Variants in SLCO5A1 observed in about 807,000 individuals in gnomAD.
SLCO5A1 encodes the protein solute carrier organic anion transporter family member 5A1, also known as organic anion transporter polypeptide-related protein 4.
A neutral mutation model predicts 65.1 loss-of-function variants in SLCO5A1; 39 were observed. That is an observed-to-expected ratio of 0.60 (90% CI 0.46 to 0.78). The LOEUF is 0.78. SLCO5A1 is among the 30% of genes least tolerant of loss of function. The pLI is 0.00. For missense variants in SLCO5A1, 1,029 were observed against 1,069.4 expected, an observed-to-expected ratio of 0.96 and a Z score of 0.53; for synonymous variants, 438 against 415.7, an observed-to-expected ratio of 1.05 and a Z score of -0.65.
intron 5 of SLCO5A1, among the ~76,000 whole-genome samples, chr8:69,714,475 G>T (rs1379882455): frequency 9.9e-5 from 15 of 152,130 alleles, no homozygotes; most frequent in Admixed American, 9.8e-4. Flanking sequence ...ATAAGCTGGG[G>T]GGATAGCTCG....
chr8:69,777,898 T>C (rs1034863474), intron 2 of SLCO5A1, among the ~76,000 whole-genome samples: 1 of 152,168 alleles, frequency 6.6e-6, no homozygotes, highest in Non-Finnish European at 1.5e-5. Flanking sequence ...ACGTCATTCA[T>C]CTCCCTTCAT....
intron 2 of SLCO5A1, among the ~76,000 whole-genome samples, chr8:69,817,398 C>T (rs145573270): frequency 2.2e-4 from 34 of 152,276 alleles, no homozygotes; most frequent in African/African-American, 7.9e-4. Flanking sequence ...CTGATGAACA[C>T]TTGGCTTGCT....
At chr8:69,681,838 G>T (rs989826726) in intron 7 of SLCO5A1, among the ~76,000 whole-genome samples, 5 of 151,978 alleles carry the variant, frequency 3.3e-5, no homozygotes, top group African/African-American at 1.2e-4. Flanking sequence ...ACCAAATGTG[G>T]TCATCTTGAC....
chr8:69,775,114 C>A (rs922242528), intron 2 of SLCO5A1, among the ~76,000 whole-genome samples: 2 of 152,254 alleles, frequency 1.3e-5, no homozygotes, highest in Middle Eastern at 6.8e-3. Context: ...TATCACTTTG[C>A]TGAAACATCC....
At chr8:69,780,809 T>C (rs1416939450) in intron 2 of SLCO5A1, among the ~76,000 whole-genome samples, 1 of 151,420 alleles carries the variant, frequency 6.6e-6, no homozygotes, top group Non-Finnish European at 1.5e-5. Flanking sequence ...TTGTAACCCA[T>C]AAATTTATAC....
At chr8:69,755,378 C>A in intron 4 of SLCO5A1, 46 bp downstream of exon 4, 1 of 1,533,756 alleles carries the variant, frequency 6.5e-7, no homozygotes, top group Non-Finnish European at 9.0e-7. Flanking sequence ...ATGAGTAGCA[C>A]TGATCAAAGT....
At chr8:69,760,098 T>C (rs1817701738) in intron 3 of SLCO5A1, among the ~76,000 whole-genome samples, 1 of 152,232 alleles carries the variant, frequency 6.6e-6, no homozygotes, top group Non-Finnish European at 1.5e-5. Flanking sequence ...GATGTTTCCC[T>C]GTCACTGTGC....
intron 5 of SLCO5A1, among the ~76,000 whole-genome samples, chr8:69,710,777 G>A (rs1815205327): frequency 6.6e-6 from 1 of 152,090 alleles, no homozygotes; most frequent in South Asian, 2.1e-4. Context: ...CGTGTCATCA[G>A]TAAATATGAG....
chr8:69,721,728 T>A (rs531489609), intron 5 of SLCO5A1, among the ~76,000 whole-genome samples: 1 of 152,206 alleles, frequency 6.6e-6, no homozygotes, highest in East Asian at 1.9e-4. Flanking sequence ...TTCTTTCAAA[T>A]CCTATTTATT....
Position 69,780,710 on chromosome 8 carries a change from G to T in SLCO5A1, c.908-18835C>A, listed in dbSNP as rs141988919. ...TAATGGGTACAATGTATGGTATTTG[G>T]GTGATGGATACCCTAAAAGGCCTAA... On this transcript the variant is annotated intron_variant, in intron 2 of 9. Coordinates refer to ENST00000260126, the MANE Select transcript of SLCO5A1 (RefSeq NM_030958.3). 7.3e-3 allele frequency among the ~76,000 whole-genome samples: 1,116 copies of T among 152,128 alleles called. 14 individuals are homozygous for T. Among genetic ancestry groups the T allele is most frequent in the African/African-American group, 0.026 (1,070 of 41,500 alleles).
chr8:69,765,568 T>C (rs1166745377), intron 2 of SLCO5A1, among the ~76,000 whole-genome samples: 2 of 152,120 alleles, frequency 1.3e-5, no homozygotes. Context: ...TCAGAGCTTA[T>C]AAGAGAAGTA....
chr8:69,834,037 T>G (rs1821301722), intron 1 of SLCO5A1: 1 of 152,456 alleles, frequency 6.6e-6, no homozygotes, highest in African/African-American at 2.4e-5. Context: ...TGCTATTGAC[T>G]GAGCGCACCC....
intron 2 of SLCO5A1, among the ~76,000 whole-genome samples, chr8:69,774,943 G>A (rs888601449): frequency 6.6e-6 from 1 of 152,222 alleles, no homozygotes; most frequent in Non-Finnish European, 1.5e-5. Flanking sequence ...TTAAAGAAAA[G>A]TATTCCAACT....
At chr8:69,722,686 T>C (rs1815877868) in intron 5 of SLCO5A1, among the ~76,000 whole-genome samples, 15 of 152,108 alleles carry the variant, frequency 9.9e-5, no homozygotes, top group Admixed American at 9.8e-4. Flanking sequence ...GTCTCTTAAC[T>C]CTTACTCATT....
At chr8:69,815,392 T>G (rs1292948689) in intron 2 of SLCO5A1, among the ~76,000 whole-genome samples, 1 of 152,192 alleles carries the variant, frequency 6.6e-6, no homozygotes, top group Non-Finnish European at 1.5e-5. Context: ...CCTCCACCTA[T>G]GAAACCATAT....
At chr8:69,687,230 A>G (rs2130794235) in intron 6 of SLCO5A1, among the ~76,000 whole-genome samples, 1 of 152,326 alleles carries the variant, frequency 6.6e-6, no homozygotes, top group East Asian at 1.9e-4. Context: ...GCCATTTAGT[A>G]GCTATGTGAC....
intron 3 of SLCO5A1, among the ~76,000 whole-genome samples, chr8:69,756,041 T>G (rs1817529467): frequency 6.6e-6 from 1 of 152,244 alleles, no homozygotes; most frequent in African/African-American, 2.4e-5. Context: ...ATAGACTTTT[T>G]TTTGTCATAA....
At chr8:69,826,135 T>A (rs1820900937) in intron 2 of SLCO5A1, among the ~76,000 whole-genome samples, 1 of 152,216 alleles carries the variant, frequency 6.6e-6, no homozygotes, top group South Asian at 2.1e-4. Flanking sequence ...TAATTCAAGA[T>A]GGATTAAAGA....
chr8:69,685,044 G>A (rs529678432), intron 6 of SLCO5A1, among the ~76,000 whole-genome samples: 16 of 152,272 alleles, frequency 1.1e-4, no homozygotes, highest in African/African-American at 3.8e-4. Flanking sequence ...ATGAGATCAT[G>A]GTGTCTGATA....
Sources: gnomAD v4.1 joint callset for allele counts (sites outside exome capture counted in the v4.1 genomes callset) on GRCh38, gnomAD v4.1.1 for gene constraint, MANE v1.5 for transcripts, NCBI Gene and HGNC (gene_info 2026-07-23, HGNC 2026-07-21) for gene names.